The following AGK variants were observed in gnomAD, a reference collection of about 807,000 sequenced individuals.
The protein encoded by AGK is acylglycerol kinase, also known as acylglycerol kinase, mitochondrial.
Under a neutral mutation model 66.4 loss-of-function variants are expected in AGK, and 52 were observed. That is an observed-to-expected ratio of 0.78 (90% CI 0.63 to 0.99). The LOEUF is 0.99. AGK is among the 50% of genes least tolerant of loss of function. The pLI, the probability that AGK is intolerant of heterozygous loss-of-function variation, is 0.00. For missense variants in AGK, 451 were observed against 506.6 expected (o/e 0.89, Z 1.05); for synonymous variants, 182 against 181.1 (o/e 1.00, Z -0.04).
chr7:141,591,118 GTCTCAC>G (rs1796107066), intron 2 of AGK, among the ~76,000 whole-genome samples: 1 of 107,872 alleles, frequency 9.3e-6, no homozygotes, highest in African/African-American at 3.5e-5. Context: ...TTGAGACAGA[GTCTCAC>G]TCTGTAGCCC....
Position 141,641,873 on chromosome 7 carries a change from T to A in AGK, c.940T>A (p.Ser314Thr). The A allele has an allele frequency of 6.3e-7, 1 of 1,585,374 alleles. No individual in the cohort carries two copies. The highest frequency in any genetic ancestry group is 1.3e-5 in the African/African-American group (1 of 74,796). Residue 314 changes from serine to threonine, a missense_variant, in exon 13 of 16, where the codon TCC (serine) becomes ACC (threonine). Coordinates refer to ENST00000649286, the MANE Select transcript of AGK (RefSeq NM_018238.4). Reference sequence around the variant, plus strand: ...TGTGCAGCTGTCCACCATTGAACTGTCCATCACAACACGGAATAATCAGCT... The same window carrying A: ...TGTGCAGCTGTCCACCATTGAACTGACCATCACAACACGGAATAATCAGCT... The part of the protein sequence containing the change: ...KDVQLSTIEL[S>T]ITTRNNQLDP...
rs371437227 is a variant in AGK at position 141,555,450 on chromosome 7, T to C, written c.-14-3T>C. On this transcript the variant is annotated splice_polypyrimidine_tract_variant and splice_region_variant and intron_variant, in intron 1 of 15. Transcript: ENST00000649286. This position sits in a 1 kb window ranked among gnomAD's most constrained non-coding sequence, Gnocchi z 4.2. ...TTTTCTCTTTCCGCCTCTACTAACC[T>C]AGCAAATCTCTAGAAGATGACGGTG... is the stretch of plus-strand genomic sequence containing the variant. 1.0e-4 allele frequency: 166 copies of C among 1,603,752 alleles called. No homozygotes were observed. The highest frequency in any genetic ancestry group is 5.0e-4 in the Middle Eastern group (3 of 6,058).
chr7:141,648,656 C>G (rs1304567932), intron 13 of AGK, among the ~76,000 whole-genome samples: 1 of 152,218 alleles, frequency 6.6e-6, no homozygotes, highest in Non-Finnish European at 1.5e-5. Context: ...ATTATGGGAA[C>G]TGGTCCAAGA....
chr7:141,564,002 C>A (rs892923935), intron 2 of AGK, among the ~76,000 whole-genome samples: 2 of 152,070 alleles, frequency 1.3e-5, no homozygotes, highest in African/African-American at 4.8e-5. Context: ...GCTCTGTCAC[C>A]CAGGCTGGAG....
chr7:141,571,190 C>T (rs977023193), intron 2 of AGK, among the ~76,000 whole-genome samples: 1 of 152,150 alleles, frequency 6.6e-6, no homozygotes, highest in African/African-American at 2.4e-5. Flanking sequence ...TTAAATGGTG[C>T]CCTTGAGGCA....
chr7:141,593,128 T>C lies in AGK; in HGVS notation c.102-18T>C, dbSNP rs1796158048. On this transcript the variant is annotated intron_variant, in intron 2 of 15. Transcript: ENST00000649286. ...TCTATTAAAGCTAATGATTATTCTC[T>C]TTTGCTTACTTTGATAGTGATAACC... 2 of 1,607,380 alleles carry C rather than the reference T, an allele frequency of 1.2e-6. No homozygotes were observed. The highest frequency in any genetic ancestry group is 1.7e-6 in the Non-Finnish European group (2 of 1,176,126).
chr7:141,599,315 TG>T (rs924717602), intron 4 of AGK: 2 of 152,144 alleles, frequency 1.3e-5, no homozygotes, highest in African/African-American at 4.8e-5. Flanking sequence ...AATTATTTTT[TG>T]TATGTGCCTG....
intron 5 of AGK, among the ~76,000 whole-genome samples, chr7:141,610,568 A>G (rs914461371): frequency 4.6e-5 from 7 of 152,148 alleles, no homozygotes; most frequent in African/African-American, 1.7e-4. Flanking sequence ...GTATTTCTTT[A>G]TGTATGGTCA....
At chr7:141,596,223 ATAGAT>A in intron 3 of AGK, among the ~76,000 whole-genome samples, 1 of 152,334 alleles carries the variant, frequency 6.6e-6, no homozygotes, top group African/African-American at 2.4e-5. Context: ...AACTAAAGAC[ATAGAT>A]TAAACTTCTC....
At chr7:141,576,233 A>G (rs751930928) in intron 2 of AGK, among the ~76,000 whole-genome samples, 28 of 152,148 alleles carry the variant, frequency 1.8e-4, no homozygotes, top group Non-Finnish European at 3.8e-4. Context: ...TCAGCAAGGC[A>G]ATTTTTACTT....
intron 10 of AGK, 125 bp from the exon 11 acceptor site, chr7:141,636,835 T>C: frequency 5.7e-6 from 4 of 701,238 alleles, no homozygotes; most frequent in Non-Finnish European, 9.5e-6. Flanking sequence ...CATAACCTCC[T>C]AGCTACCAGA....
intron 2 of AGK, among the ~76,000 whole-genome samples, chr7:141,581,639 A>G (rs773404549): frequency 1.3e-5 from 2 of 151,760 alleles, no homozygotes; most frequent in African/African-American, 2.4e-5. Context: ...ATCAGTTGCT[A>G]AGGAGGAAGT....
rs1796269554 is a variant in AGK, at chr7:141,598,201, CT to C, written c.221+1561del. On this transcript the variant is annotated intron_variant, in intron 4 of 15. Coordinates refer to ENST00000649286, the MANE Select transcript of AGK (RefSeq NM_018238.4). This position sits in a 1 kb window ranked among gnomAD's most constrained non-coding sequence, Gnocchi z 4.2. The stretch of plus-strand genomic sequence containing the variant: ...ATTCAGATTGTCTAAACAGACTATT[CT>C]GCCTAACTGAATCATATCTGCTGGG... Among the ~76,000 whole-genome samples, 1 of 152,156 alleles carries C rather than the reference CT, an allele frequency of 6.6e-6. No homozygotes were observed. The highest frequency in any genetic ancestry group is 2.1e-4 in the South Asian group (1 of 4,830).
chr7:141,617,253 C>A (rs942417466), intron 8 of AGK, among the ~76,000 whole-genome samples: 2 of 152,072 alleles, frequency 1.3e-5, no homozygotes, highest in Non-Finnish European at 2.9e-5. Context: ...TCCTTGGAGA[C>A]CCCTTGCCTG....
At position 141,555,463 on chromosome 7, in the gene AGK, G is replaced by C. The variant is rs769269830; in HGVS notation, c.-4G>C. ...CCTCTACTAACCTAGCAAATCTCTA[G>C]AAGATGACGGTGTTCTTTAAAACGC... On this transcript the variant is annotated 5_prime_UTR_variant, in exon 2 of 16. Transcript: ENST00000649286. The surrounding 1 kb of genome is among the most constrained non-coding windows in gnomAD (Gnocchi z 4.2). The C allele has an allele frequency of 1.3e-5, 21 of 1,611,918 alleles. 1 individual carries two copies. In the African/African-American group the frequency reaches 2.5e-4, roughly 19 times the overall value.
intron 11 of AGK, among the ~76,000 whole-genome samples, chr7:141,639,519 A>G (rs565076790): frequency 6.6e-6 from 1 of 152,264 alleles, no homozygotes; most frequent in East Asian, 1.9e-4. Context: ...GGACAGGACA[A>G]GGGGCACCTT....
chr7:141,578,082 G>A lies in AGK; in HGVS notation c.102-15064G>A, dbSNP rs558024368. Among the ~76,000 whole-genome samples the A allele has an allele frequency of 3.3e-5, 5 of 152,142 alleles. No homozygotes were observed. The South Asian group carries it at 8.3e-4, about 25-fold the overall frequency. On this transcript the variant is annotated intron_variant, in intron 2 of 15. Coordinates refer to ENST00000649286, the MANE Select transcript of AGK (RefSeq NM_018238.4). ...CTGCCTGCCTTGGCCTCAGTATCAC[G>A]CGCGTCCATGTGAAGAGACCACCAA...
chr7:141,551,462 G>GC (rs1434137279), intron 1 of AGK, 28 bp downstream of exon 1: 2 of 153,226 alleles, frequency 1.3e-5, no homozygotes, highest in African/African-American at 4.8e-5. Context: ...CAGGCGGGGA[G>GC]CGCAGTGCGG....
chr7:141,652,170 A>G (rs1797575949), intron 15 of AGK, among the ~76,000 whole-genome samples: 1 of 152,228 alleles, frequency 6.6e-6, no homozygotes, highest in Admixed American at 6.5e-5. Flanking sequence ...ATGTGGCCAT[A>G]TATTACTGTA....
Sources: allele counts gnomAD v4.1 joint callset (sites outside exome capture counted in the v4.1 genomes callset), GRCh38; gene constraint gnomAD v4.1.1; non-coding constraint Gnocchi (gnomAD v3.1); transcripts MANE v1.5; gene names NCBI Gene and HGNC (gene_info 2026-07-23, HGNC 2026-07-21).